The following TTC7A variants were observed in gnomAD, a reference collection of about 807,000 sequenced individuals.
TTC7A encodes the protein tetratricopeptide repeat protein 7A.
Under a neutral mutation model 103.7 loss-of-function variants are expected in TTC7A, and 110 were observed. That is an observed-to-expected ratio of 1.06 (90% CI 0.91 to 1.24). The LOEUF (loss-of-function observed/expected upper bound fraction) is 1.24, where lower values mean the gene tolerates loss of function less well. TTC7A is among the 50% of genes most tolerant of loss of function. The pLI is 0.00. For missense variants in TTC7A, 1,340 were observed against 1,116.3 expected (o/e 1.20, Z -2.86); for synonymous variants, 521 against 467.9 (o/e 1.11, Z -1.47).
intron 6 of TTC7A, 21 bp from the exon 7 acceptor site, chr2:46,994,336 G>A (rs770791044): frequency 3.7e-6 from 6 of 1,605,568 alleles, no homozygotes; most frequent in East Asian, 4.5e-5. Context: ...GCCTGGGTCC[G>A]AGTGCTTCCC....
intron 11 of TTC7A, among the ~76,000 whole-genome samples, chr2:47,018,016 C>T: frequency 6.6e-6 from 1 of 152,144 alleles, no homozygotes; most frequent in Admixed American, 6.5e-5. Context: ...GTGGCTCACT[C>T]CTGTAATCCC....
chr2:47,072,035 G>A (rs948125248), intron 19 of TTC7A, among the ~76,000 whole-genome samples: 1 of 152,104 alleles, frequency 6.6e-6, no homozygotes, highest in African/African-American at 2.4e-5. Context: ...GCGGCCCGTC[G>A]GCTGGCCTCC....
chr2:47,011,249 T>G, intron 10 of TTC7A, 82 bp from the exon 11 acceptor site: 2 of 1,290,522 alleles, frequency 1.5e-6, no homozygotes, highest in South Asian at 1.4e-5. Context: ...CAAGGCTTGG[T>G]TGTTTGGGAA....
At position 47,016,332 on chromosome 2, in the gene TTC7A, T is replaced by C. The variant is rs1678655355; in HGVS notation, c.1392+4897T>C. Reference sequence around the variant, plus strand: ...TAGCTGTGAATCAGCATCAGGAGACTGGGGTTGGAAACAGTTCTGCTACTT... The same window carrying C: ...TAGCTGTGAATCAGCATCAGGAGACCGGGGTTGGAAACAGTTCTGCTACTT... On this transcript the variant is annotated intron_variant, in intron 11 of 19. Transcript: ENST00000319190. Among the ~76,000 whole-genome samples the C allele has an allele frequency of 2.0e-5, 3 of 152,216 alleles. No individual in the cohort carries two copies. In the South Asian group the frequency reaches 6.2e-4, roughly 32 times the overall value.
At chr2:47,003,136 G>A (rs2104437561) in intron 8 of TTC7A, among the ~76,000 whole-genome samples, 1 of 152,320 alleles carries the variant, frequency 6.6e-6, no homozygotes, top group African/African-American at 2.4e-5. Flanking sequence ...GGGTGGACAG[G>A]GGGAGGTTTC....
At chr2:47,039,113 C>G (rs895872911) in intron 15 of TTC7A, among the ~76,000 whole-genome samples, 2 of 152,098 alleles carry the variant, frequency 1.3e-5, no homozygotes, top group African/African-American at 4.8e-5. Flanking sequence ...TCCTGCCTTG[C>G]AAATGAATAG....
intron 18 of TTC7A, chr2:47,054,253 G>A: frequency 2.7e-6 from 2 of 749,360 alleles, no homozygotes; most frequent in Non-Finnish European, 3.1e-6. Flanking sequence ...TCTTTCTCAT[G>A]TAACAGTTTA....
intron 15 of TTC7A, among the ~76,000 whole-genome samples, chr2:47,030,991 A>T (rs142419164): frequency 0.012 from 1,841 of 152,362 alleles, 14 homozygotes; most frequent in South Asian, 0.034. Context: ...TAATAAAGAT[A>T]CAAAAATTAG....
intron 8 of TTC7A, among the ~76,000 whole-genome samples, chr2:47,001,791 G>A (rs185751036): frequency 6.8e-6 from 1 of 146,354 alleles, no homozygotes; most frequent in Admixed American, 6.9e-5. Flanking sequence ...CCCAGGAGGC[G>A]GAGGTTGCAG....
intron 5 of TTC7A, among the ~76,000 whole-genome samples, chr2:46,991,207 C>T (rs1675591574): frequency 6.6e-6 from 1 of 151,906 alleles, no homozygotes; most frequent in Admixed American, 6.6e-5. Context: ...TGAGCCACCA[C>T]ACGTGGCCCA....
Position 47,075,909 on chromosome 2 carries a change from G to C in TTC7A, c.*1986G>C, listed in dbSNP as rs1685174957. ...GCATTGCTGGGAGAGGCCAAGGCAG[G>C]ACTCACGTCTGAACAGAGATCCCCT... is the stretch of plus-strand genomic sequence containing the variant. On this transcript the variant is annotated 3_prime_UTR_variant, in exon 20 of 20. Transcript: ENST00000319190. The C allele has an allele frequency of 6.6e-6, 1 of 152,402 alleles. No homozygotes were observed. The highest frequency in any genetic ancestry group is 1.9e-4 in the East Asian group (1 of 5,192). The allele number at this position is 152,402 out of a possible 1,614,324, so 9.4% of individuals were successfully genotyped here.
intron 11 of TTC7A, among the ~76,000 whole-genome samples, chr2:47,021,594 G>C (rs1003972139): frequency 1.6e-4 from 24 of 152,202 alleles, no homozygotes; most frequent in Non-Finnish European, 4.4e-5. Context: ...TCTATGTGCC[G>C]AGCAGGACAG....
At chr2:46,916,141 C>A, upstream of TTC7A, 1 of 985,554 alleles carries the variant, frequency 1.0e-6, no homozygotes, top group African/African-American at 1.7e-5. Context: ...AGCTGGCTCC[C>A]AACTCCGCTC....
chr2:46,977,985 G>A (rs1474002941), intron 4 of TTC7A: 2 of 152,214 alleles, frequency 1.3e-5, no homozygotes, highest in African/African-American at 4.8e-5. Context: ...TTGGGCTTGG[G>A]TGGCAATTTT....
chr2:46,935,087 C>A (rs1669908560), intron 2 of TTC7A, among the ~76,000 whole-genome samples: 1 of 152,060 alleles, frequency 6.6e-6, no homozygotes, highest in African/African-American at 2.4e-5. Context: ...GTGTGAGCCA[C>A]CACGCCGAGC....
At chr2:46,923,517 C>T (rs961179679) in intron 2 of TTC7A, among the ~76,000 whole-genome samples, 5 of 152,174 alleles carry the variant, frequency 3.3e-5, no homozygotes, top group African/African-American at 9.7e-5. Context: ...CTTGGAGAGT[C>T]CTAGCCATAT....
intron 19 of TTC7A, among the ~76,000 whole-genome samples, chr2:47,073,249 A>C (rs960524926): frequency 2.0e-5 from 3 of 152,148 alleles, no homozygotes; most frequent in South Asian, 2.1e-4. Context: ...GCATGGCCCC[A>C]CTGAGTGAGA....
At chr2:47,025,661 T>C (rs1303408063) in intron 14 of TTC7A, among the ~76,000 whole-genome samples, 3 of 152,214 alleles carry the variant, frequency 2.0e-5, no homozygotes, top group African/African-American at 7.2e-5. Flanking sequence ...TCCAGGTTCT[T>C]CTGTCTCAAC....
chr2:46,968,628 T>A (rs949898590), intron 3 of TTC7A, among the ~76,000 whole-genome samples: 2 of 152,210 alleles, frequency 1.3e-5, no homozygotes, highest in Admixed American at 1.3e-4. Flanking sequence ...TTTTTGGCCC[T>A]GTGTATATTG....
Sources: gnomAD v4.1 joint callset for allele counts (sites outside exome capture counted in the v4.1 genomes callset) on GRCh38, gnomAD v4.1.1 for gene constraint, MANE v1.5 for transcripts, NCBI Gene and HGNC (gene_info 2026-07-23, HGNC 2026-07-21) for gene names.